ZNF234: variants seen among roughly 807,000 people sequenced by gnomAD.
ZNF234 encodes the protein zinc finger protein 234, also known as C2-H2 type zinc finger protein.
A neutral mutation model predicts 10.3 loss-of-function variants in ZNF234; 4 were observed. The observed-to-expected ratio is 0.39, with a 90% CI of 0.19 to 0.89. ZNF234 has a LOEUF of 0.89. Among genes scored for constraint, ZNF234 ranks in the 40% least tolerant of loss-of-function variants. ZNF234 has a pLI of 0.38. For missense variants in ZNF234, 711 were observed against 836.1 expected (o/e 0.85, Z 1.85); for synonymous variants, 258 against 280.1 (o/e 0.92, Z 0.79).
chr19:44,157,944 G>A lies in ZNF234; in HGVS notation c.1928G>A (p.Arg643Lys). ...FSRSSQLQYHRRVHTGEKPYK... is the reference protein window; with the variant it reads ...FSRSSQLQYHKRVHTGEKPYK... ...CGGTCTTCACAATTACAGTATCATAGGCGAGTTCACACTGGGGAAAAACCT... is the reference window on the plus strand; with the variant it reads ...CGGTCTTCACAATTACAGTATCATAAGCGAGTTCACACTGGGGAAAAACCT... The change falls in exon 6 of 6, where the codon AGG becomes AAG. Residue 643 changes from arginine (R) to lysine (K), a missense_variant. By Grantham distance (26) the Arg-to-Lys change is conservative. Transcript: ENST00000426739. The A allele has an allele frequency of 6.2e-7, 1 of 1,613,866 alleles. No individual in the cohort carries two copies.
intron 5 of ZNF234, among the ~76,000 whole-genome samples, chr19:44,155,426 G>A (rs1968853642): frequency 1.3e-5 from 2 of 152,086 alleles, no homozygotes; most frequent in African/African-American, 4.8e-5. Context: ...ATGTTATAAT[G>A]TATTGTATAC....
Position 44,158,136 on chromosome 19 carries a change from A to G in ZNF234, c.*17A>G. On this transcript the variant is annotated 3_prime_UTR_variant, in exon 6 of 6. Transcript: ENST00000426739. Reference sequence around the variant, plus strand: ...ACAAGGTGATTAAAAAAAAAAAAACAGAACTCATGTACAACCTGAATGCTT... The same window carrying G: ...ACAAGGTGATTAAAAAAAAAAAAACGGAACTCATGTACAACCTGAATGCTT... 2 of 1,409,676 alleles carry G rather than the reference A, an allele frequency of 1.4e-6. No individual in the cohort carries two copies. Among genetic ancestry groups the G allele is most frequent in the Non-Finnish European group, 2.0e-6 (2 of 1,016,612 alleles). 87.3% of individuals were successfully genotyped at this position (1,409,676 alleles called of 1,614,324 possible).
At position 44,144,622 on chromosome 19, in the gene ZNF234, C is replaced by G; in HGVS notation, c.-11C>G. The G allele has an allele frequency of 6.4e-7, 1 of 1,572,672 alleles. No individual in the cohort carries two copies. Reference sequence around the variant, plus strand: ...TCAGGACTCTGCAAATTCCCAGAAACAGGAGGAAAAATGACCACATTCAAG... The same window carrying G: ...TCAGGACTCTGCAAATTCCCAGAAAGAGGAGGAAAAATGACCACATTCAAG... On this transcript the variant is annotated 5_prime_UTR_variant, in exon 3 of 6. Transcript: ENST00000426739.
intron 4 of ZNF234, 104 bp from the exon 5 acceptor site, chr19:44,150,309 A>G (rs1245309307): frequency 1.5e-5 from 11 of 720,464 alleles, no homozygotes; most frequent in South Asian, 3.5e-5. Context: ...TGAAAACACT[A>G]CTTTTGATTG....
chr19:44,157,018 T>A lies in ZNF234; in HGVS notation c.1002T>A (p.His334Gln). 1 of 1,614,042 alleles carries A rather than the reference T, an allele frequency of 6.2e-7. No homozygotes were observed. The change falls in exon 6 of 6, where the codon CAT becomes CAA. Residue 334 changes from histidine (H) to glutamine (Q), a missense_variant. By Grantham distance (24) the His-to-Gln change is conservative (BLOSUM62 0). Transcript: ENST00000426739. ...CTTGTAGCTCAAACCTTCGTATCCA[T>A]CAAAGGGTCCACACAGGAGAGAAAC... ...CFTCSSNLRI[H>Q]QRVHTGEKPY...
Position 44,150,470 on chromosome 19 carries a change from T to C in ZNF234, c.200T>C (p.Ile67Thr), listed in dbSNP as rs756543415. The C allele has an allele frequency of 2.0e-5, 31 of 1,588,754 alleles. No individual in the cohort carries two copies. Among genetic ancestry groups the C allele is most frequent in the Non-Finnish European group, 2.6e-5 (30 of 1,166,848 alleles). Residue 67 changes from isoleucine to threonine, a missense_variant, in exon 5 of 6, where the codon ATA (isoleucine) becomes ACA (threonine). Transcript: ENST00000426739. ...TTAGAAAAGGAAAAAAAGCTTGATA[T>C]AATGAAGACAGCAACTCAAAGAAAA... ...FLLEKEKKLD[I>T]MKTATQRKGK...
intron 3 of ZNF234, among the ~76,000 whole-genome samples, chr19:44,146,147 C>T (rs763360309): frequency 2.0e-5 from 3 of 152,100 alleles, no homozygotes; most frequent in Non-Finnish European, 4.4e-5. Flanking sequence ...GTCTGGAGTG[C>T]CCTGTTGGGT....
Position 44,146,806 on chromosome 19 carries a change from CTTTTTTTTTTTTT to C in ZNF234, c.16-1950_16-1938del, listed in dbSNP as rs60083912. Among the ~76,000 whole-genome samples, 46 of 83,298 alleles carry C rather than the reference CTTTTTTTTTTTTT, an allele frequency of 5.5e-4. 1 individual carries two copies. Among genetic ancestry groups the C allele is most frequent in the East Asian group, 3.9e-3 (11 of 2,820 alleles). 54.6% of individuals were successfully genotyped at this position (83,298 alleles called of 152,430 possible). ...AGGTGCTTGCATTCTCTCTCTCTCT[CTTTTTTTTTTTTT>C]TTTTTTTTTTTTTTGAGACAGAGTC... On this transcript the variant is annotated intron_variant, in intron 3 of 5. Coordinates refer to ENST00000426739, the MANE Select transcript of ZNF234 (RefSeq NM_006630.3).
At chr19:44,154,416 A>T (rs1013951367) in intron 5 of ZNF234, among the ~76,000 whole-genome samples, 1 of 152,118 alleles carries the variant, frequency 6.6e-6, no homozygotes, top group Non-Finnish European at 1.5e-5. Flanking sequence ...ACTTGCTGAC[A>T]GAAGCTAAAG....
intron 5 of ZNF234, among the ~76,000 whole-genome samples, chr19:44,152,577 G>A (rs1968770546): frequency 1.3e-5 from 2 of 152,176 alleles, no homozygotes; most frequent in African/African-American, 4.8e-5. Flanking sequence ...ACCACACTTT[G>A]AGTAACAAGC....
At chr19:44,150,316 AT>A (rs559374162) in intron 4 of ZNF234, 96 bp from the exon 5 acceptor site, 11 of 778,218 alleles carry the variant, frequency 1.4e-5, no homozygotes, top group East Asian at 6.1e-5. Context: ...ACTACTTTTG[AT>A]TGATTGATCA....
chr19:44,157,032 C>G lies in ZNF234; in HGVS notation c.1016C>G (p.Thr339Arg), dbSNP rs553176325. The G allele has an allele frequency of 6.2e-7, 1 of 1,614,190 alleles. No individual in the cohort carries two copies. Among genetic ancestry groups the G allele is most frequent in the Non-Finnish European group, 8.5e-7 (1 of 1,180,034 alleles). The change falls in exon 6 of 6, where the codon ACA becomes AGA. Residue 339 changes from threonine (T) to arginine (R), a missense_variant. Transcript: ENST00000426739. ...CTTCGTATCCATCAAAGGGTCCACA[C>G]AGGAGAGAAACCTTACAAGTGTGAA... Reference protein sequence around the residue: ...SNLRIHQRVHTGEKPYKCEEC... With the variant: ...SNLRIHQRVHRGEKPYKCEEC...
Position 44,157,185 on chromosome 19 carries a change from A to T in ZNF234, c.1169A>T (p.His390Leu), listed in dbSNP as rs753238363. 6.2e-7 allele frequency: 1 copy of T among 1,614,120 alleles called. No individual in the cohort carries two copies. Among genetic ancestry groups the T allele is most frequent in the African/African-American group, 1.3e-5 (1 of 74,952 alleles). ...ATTTACAGTTCAAGTTTTCAGGCCC[A>T]TCAGGGAGTCCACACTGGAGAGAAG... is the stretch of plus-strand genomic sequence containing the variant. ...GFIYSSSFQA[H>L]QGVHTGEKPY... Residue 390 changes from histidine (H) to leucine (L), a missense_variant, in exon 6 of 6, where the codon CAT becomes CTT. His to Leu is a moderately conservative substitution (Grantham distance 99). Transcript: ENST00000426739.
intron 2 of ZNF234, 62 bp from the exon 3 acceptor site, chr19:44,144,495 C>T: frequency 1.6e-6 from 1 of 616,244 alleles, no homozygotes; most frequent in East Asian, 3.0e-5. Flanking sequence ...TCACAGTACA[C>T]ATCTGTGTTG....
At position 44,144,165 on chromosome 19, in the gene ZNF234, TCC is replaced by T. The variant is rs1218142766; in HGVS notation, c.-76-389_-76-388del. On this transcript the variant is annotated intron_variant, in intron 2 of 5. Transcript: ENST00000426739. ...ACTCCTCTTGCCCATTTACAGTTAA[TCC>T]CCATTCTTATCCTAAATCCCCATCA... Among the ~76,000 whole-genome samples, 8 of 152,314 alleles carry T rather than the reference TCC, an allele frequency of 5.3e-5. No individual in the cohort carries two copies. The East Asian group carries it at 1.5e-3, about 29-fold the overall frequency.
intron 5 of ZNF234, among the ~76,000 whole-genome samples, chr19:44,155,283 G>A (rs1968849774): frequency 6.6e-6 from 1 of 152,058 alleles, no homozygotes; most frequent in South Asian, 2.1e-4. Context: ...GAACAACTTG[G>A]GGGTTAGGGA....
intron 2 of ZNF234, among the ~76,000 whole-genome samples, chr19:44,143,683 G>A (rs532173745): frequency 6.6e-6 from 1 of 151,354 alleles, no homozygotes; most frequent in African/African-American, 2.4e-5. Context: ...GTGGTAGTGC[G>A]CGCCTGTAAT....
intron 5 of ZNF234, among the ~76,000 whole-genome samples, chr19:44,155,907 T>C (rs1449421111): frequency 6.6e-6 from 1 of 152,212 alleles, no homozygotes; most frequent in African/African-American, 2.4e-5. Flanking sequence ...CTATGCTTTT[T>C]ATATTTAGAT....
At chr19:44,144,697 C>G in intron 3 of ZNF234, 50 bp downstream of exon 3, 1 of 1,499,816 alleles carries the variant, frequency 6.7e-7, no homozygotes, top group Non-Finnish European at 9.0e-7. Context: ...TCACTATTCT[C>G]ATGTTTCCTG....
Sources: allele counts gnomAD v4.1 joint callset (sites outside exome capture counted in the v4.1 genomes callset), GRCh38; gene constraint gnomAD v4.1.1; transcripts MANE v1.5; gene names NCBI Gene and HGNC (gene_info 2026-07-23, HGNC 2026-07-21).